The following ZFHX3 variants were observed in gnomAD, a reference collection of about 807,000 sequenced individuals.
ZFHX3 encodes zinc finger homeobox protein 3.
A neutral mutation model predicts 279.1 loss-of-function variants in ZFHX3; 42 were observed. The ratio of observed to expected loss-of-function variants is 0.15; its 90% CI spans 0.12 to 0.19. The LOEUF is 0.19. Ranked by LOEUF, ZFHX3 falls within the 10% of genes least tolerant of loss-of-function variation. The probability of loss-of-function intolerance (pLI) is 1.00; values close to 1 mark genes in which losing one functional copy is unlikely to be tolerated. For missense variants in ZFHX3, 4,981 were observed against 4,754.0 expected (o/e 1.05, Z -1.40); for synonymous variants, 2,293 against 1,957.8 (o/e 1.17, Z -4.52).
rs530613040 is a variant in ZFHX3 at position 72,928,238 on chromosome 16, G to A, written c.3216+22231C>T. On this transcript the variant is annotated intron_variant, in intron 3 of 9. Coordinates refer to ENST00000268489, the MANE Select transcript of ZFHX3 (RefSeq NM_006885.4). ...AAGGGGAGCGAGGGGGAGCGAGAGA[G>A]GAAAGGGCTTAAGGGGAAGATGGAA... Among the ~76,000 whole-genome samples the A allele has an allele frequency of 4.5e-4, 68 of 149,712 alleles. 1 individual carries two copies. The highest frequency in any genetic ancestry group is 8.2e-4 in the Non-Finnish European group (55 of 67,266).
intron 7 of ZFHX3, chr16:73,098,670 A>C (rs963153662): frequency 6.6e-6 from 1 of 152,086 alleles, no homozygotes; most frequent in Non-Finnish European, 1.5e-5. Flanking sequence ...CTGTATATCT[A>C]TGTTTTGACC....
At chr16:73,634,548 G>C (rs2052511139) in intron 2 of ZFHX3, among the ~76,000 whole-genome samples, 1 of 151,060 alleles carries the variant, frequency 6.6e-6, no homozygotes, top group Non-Finnish European at 1.5e-5. Flanking sequence ...TTTTTAGAAA[G>C]TATAGACTGT....
chr16:73,591,982 A>G (rs188899674), intron 2 of ZFHX3, among the ~76,000 whole-genome samples: 2 of 152,284 alleles, frequency 1.3e-5, no homozygotes, highest in East Asian at 1.9e-4. Context: ...CTGTAATCCC[A>G]GCACTTTAGG....
At chr16:73,686,645 C>T (rs58190514) in intron 1 of ZFHX3, among the ~76,000 whole-genome samples, 6,697 of 152,180 alleles carry the variant, frequency 0.044, 286 homozygotes, top group African/African-American at 0.11. Context: ...TCCAAGCACG[C>T]AGGCTGTATT....
chr16:73,377,251 C>T (rs541956468), intron 3 of ZFHX3, among the ~76,000 whole-genome samples: 2 of 152,110 alleles, frequency 1.3e-5, no homozygotes, highest in Non-Finnish European at 2.9e-5. Flanking sequence ...GGATTACAGG[C>T]GTGAGACACC....
chr16:73,710,310 G>A (rs1203312488), intron 1 of ZFHX3, among the ~76,000 whole-genome samples: 1 of 152,172 alleles, frequency 6.6e-6, no homozygotes, highest in African/African-American at 2.4e-5. Context: ...CGATCATGTG[G>A]TCACTTTAAA....
chr16:73,687,116 C>T (rs2053096974), intron 1 of ZFHX3, among the ~76,000 whole-genome samples: 1 of 140,564 alleles, frequency 7.1e-6, no homozygotes. Context: ...AGGCCAGTTG[C>T]AGTGGCTTAC....
chr16:72,930,881 C>T (rs1031158632), intron 3 of ZFHX3, among the ~76,000 whole-genome samples: 1 of 152,160 alleles, frequency 6.6e-6, no homozygotes, highest in Non-Finnish European at 1.5e-5. Flanking sequence ...ATCACTGAGC[C>T]GTACCCCACA....
chr16:73,192,661 T>A (rs906001614), intron 5 of ZFHX3, among the ~76,000 whole-genome samples: 11 of 152,176 alleles, frequency 7.2e-5, no homozygotes, highest in Non-Finnish European at 1.2e-4. Context: ...GCTGATCCTG[T>A]TTTTGAAGAA....
intron 4 of ZFHX3, among the ~76,000 whole-genome samples, chr16:72,845,854 T>G (rs1044042086): frequency 1.3e-5 from 2 of 152,332 alleles, no homozygotes; most frequent in African/African-American, 4.8e-5. Context: ...AGGACTCTCA[T>G]TTCACAGATG....
intron 5 of ZFHX3, among the ~76,000 whole-genome samples, chr16:73,163,651 T>A (rs562139073): frequency 1.3e-5 from 2 of 152,318 alleles, no homozygotes; most frequent in South Asian, 4.1e-4. Context: ...GTAAGTGGAC[T>A]AACAGTTCAG....
intron 7 of ZFHX3, among the ~76,000 whole-genome samples, chr16:72,801,845 G>A (rs910679177): frequency 4.6e-5 from 7 of 151,938 alleles, no homozygotes; most frequent in African/African-American, 1.7e-4. Context: ...TCCGAGAAGT[G>A]AAAGGTCACC....
chr16:72,996,120 ACAC>A (rs1963279324), intron 1 of ZFHX3, among the ~76,000 whole-genome samples: 1 of 151,714 alleles, frequency 6.6e-6, no homozygotes, highest in Non-Finnish European at 1.5e-5. Flanking sequence ...ACACACACAC[ACAC>A]ACACACACAC....
intron 3 of ZFHX3, among the ~76,000 whole-genome samples, chr16:73,375,231 C>T (rs779408077): frequency 9.9e-5 from 15 of 152,122 alleles, no homozygotes; most frequent in Admixed American, 7.2e-4. Flanking sequence ...GCATTTCAAT[C>T]GATTGAAATT....
chr16:73,404,797 C>T (rs537226491), intron 3 of ZFHX3, among the ~76,000 whole-genome samples: 1 of 152,304 alleles, frequency 6.6e-6, no homozygotes, highest in South Asian at 2.1e-4. Context: ...TGTTTTGCTA[C>T]CCCTCCAAGT....
rs1182013160 is a variant in ZFHX3, at chr16:72,796,182, T to C, written c.6500A>G (p.Asn2167Ser). ...TATTTGCTCTTCACTGGGGGAGTTG[T>C]TAATGTCAAAATATTGCCGCAAGAC... ...LRVLRQYFDI[N>S]NSPSEEQIKE... Residue 2167 changes from asparagine (N) to serine (S), a missense_variant, in exon 9 of 10, where the codon AAC becomes AGC. Asn to Ser is a conservative substitution (Grantham distance 46). Coordinates refer to ENST00000268489, the MANE Select transcript of ZFHX3 (RefSeq NM_006885.4). 6.2e-7 allele frequency: 1 copy of C among 1,614,090 alleles called. No individual in the cohort carries two copies. The highest frequency in any genetic ancestry group is 2.2e-5 in the East Asian group (1 of 44,862).
intron 2 of ZFHX3, among the ~76,000 whole-genome samples, chr16:73,540,452 C>A (rs1029518638): frequency 6.6e-6 from 1 of 152,162 alleles, no homozygotes; most frequent in African/African-American, 2.4e-5. Context: ...AACTTTTAGT[C>A]GCATCAAAAT....
At chr16:73,355,662 G>C (rs778715522) in intron 3 of ZFHX3, among the ~76,000 whole-genome samples, 1 of 152,210 alleles carries the variant, frequency 6.6e-6, no homozygotes, top group Non-Finnish European at 1.5e-5. Context: ...AGGGAGGACA[G>C]ATCAAGGACC....
chr16:73,433,131 C>T (rs2017937675), intron 3 of ZFHX3, among the ~76,000 whole-genome samples: 1 of 152,310 alleles, frequency 6.6e-6, no homozygotes, highest in South Asian at 2.1e-4. Context: ...AGCTCAAGGT[C>T]CTCCGTGGAG....
Sources: gnomAD v4.1 joint callset for allele counts (sites outside exome capture counted in the v4.1 genomes callset) on GRCh38, gnomAD v4.1.1 for gene constraint, MANE v1.5 for transcripts, NCBI Gene and HGNC (gene_info 2026-07-23, HGNC 2026-07-21) for gene names.